The following NSD1 variants were observed in gnomAD, a reference collection of about 807,000 sequenced individuals.
NSD1 encodes the protein nuclear receptor binding SET domain protein 1.
A neutral mutation model predicts 242.7 loss-of-function variants in NSD1; 26 were observed. The observed-to-expected ratio is 0.11, with a 90% CI of 0.08 to 0.15. NSD1 has a LOEUF of 0.15. Among genes scored for constraint, NSD1 ranks in the 10% least tolerant of loss-of-function variants. The pLI is 1.00. For missense variants in NSD1, 2,495 were observed against 3,272.8 expected, an observed-to-expected ratio of 0.76 and a Z score of 5.80; for synonymous variants, 1,106 against 1,178.1, an observed-to-expected ratio of 0.94 and a Z score of 1.25.
At chr5:177,167,476 G>C (rs531385144) in intron 2 of NSD1, among the ~76,000 whole-genome samples, 1 of 151,990 alleles carries the variant, frequency 6.6e-6, no homozygotes, top group Admixed American at 6.6e-5. Flanking sequence ...CAGAGGTTGC[G>C]GTGAGCCGAG....
intron 5 of NSD1, among the ~76,000 whole-genome samples, chr5:177,229,470 T>C (rs1021573959): frequency 1.3e-5 from 2 of 152,232 alleles, no homozygotes; most frequent in Non-Finnish European, 1.5e-5. Context: ...CCTCTTTCCA[T>C]TGACTTGTGC....
chr5:177,208,818 C>T (rs1385809633), intron 4 of NSD1, among the ~76,000 whole-genome samples: 1 of 152,024 alleles, frequency 6.6e-6, no homozygotes, highest in Non-Finnish European at 1.5e-5. Context: ...GCCTCAGCCT[C>T]CACAGTAGCT....
At chr5:177,184,710 G>GGT (rs1051512134) in intron 2 of NSD1, among the ~76,000 whole-genome samples, 69 of 151,844 alleles carry the variant, frequency 4.5e-4, no homozygotes, top group African/African-American at 1.6e-3. Context: ...GGTGTGTGTG[G>GGT]GTGTGTGTGT....
chr5:177,142,698 CTA>C (rs1756925592), intron 2 of NSD1, among the ~76,000 whole-genome samples: 1 of 152,126 alleles, frequency 6.6e-6, no homozygotes, highest in South Asian at 2.1e-4. Flanking sequence ...ATTCATTTTT[CTA>C]TGACATCTTT....
At chr5:177,235,292 G>A (rs28461408) in intron 5 of NSD1, among the ~76,000 whole-genome samples, 132,167 of 152,200 alleles carry the variant, frequency 0.87, 57,891 homozygotes, top group Middle Eastern at 0.91. Context: ...TATGTGTATA[G>A]AAGATGTGTG....
At chr5:177,285,420 C>T (rs765166467) in intron 20 of NSD1, among the ~76,000 whole-genome samples, 17 of 151,608 alleles carry the variant, frequency 1.1e-4, no homozygotes, top group East Asian at 1.9e-4. Context: ...AAAAATTAGC[C>T]GGACGTGGTG....
At chr5:177,293,489 A>G (rs1192017888) in intron 22 of NSD1, among the ~76,000 whole-genome samples, 1 of 151,958 alleles carries the variant, frequency 6.6e-6, no homozygotes, top group Non-Finnish European at 1.5e-5. Context: ...TAAAAGTAAT[A>G]TCTTAAGTTT....
chr5:177,209,202 T>C (rs1239930644), intron 4 of NSD1, among the ~76,000 whole-genome samples: 1 of 151,836 alleles, frequency 6.6e-6, no homozygotes, highest in African/African-American at 2.4e-5. Flanking sequence ...GCTGGTTCCA[T>C]AAAAGCAGGA....
chr5:177,161,378 A>G (rs187615473), intron 2 of NSD1, among the ~76,000 whole-genome samples: 189 of 152,132 alleles, frequency 1.2e-3, no homozygotes, highest in African/African-American at 4.3e-3. Flanking sequence ...CTGTCTCAAA[A>G]AAAAAAATTC....
chr5:177,171,267 G>A (rs1174027827), intron 2 of NSD1, among the ~76,000 whole-genome samples: 1 of 151,330 alleles, frequency 6.6e-6, no homozygotes, highest in African/African-American at 2.4e-5. Flanking sequence ...AGATCACGCC[G>A]CTGCACTCCA....
intron 5 of NSD1, among the ~76,000 whole-genome samples, chr5:177,231,743 C>T (rs186934455): frequency 2.6e-5 from 4 of 151,870 alleles, no homozygotes; most frequent in Admixed American, 6.6e-5. Context: ...TTTTAAAGGA[C>T]GTACCCAAAA....
intron 2 of NSD1, among the ~76,000 whole-genome samples, chr5:177,171,437 T>C (rs748016237): frequency 8.5e-5 from 13 of 152,200 alleles, no homozygotes; most frequent in Non-Finnish European, 1.6e-4. Context: ...TGAATGAAAT[T>C]ATATAATATG....
At chr5:177,286,903 TCA>T (rs1469470560) in intron 20 of NSD1, among the ~76,000 whole-genome samples, 1 of 152,198 alleles carries the variant, frequency 6.6e-6, no homozygotes, top group Non-Finnish European at 1.5e-5. Context: ...CACTTGACTT[TCA>T]GTCTGCATAG....
intron 8 of NSD1, among the ~76,000 whole-genome samples, chr5:177,243,428 C>T (rs1203767633): frequency 1.3e-5 from 2 of 152,074 alleles, no homozygotes; most frequent in Admixed American, 1.3e-4. Context: ...AAATTCCTGA[C>T]CTCAGGTGAT....
intron 3 of NSD1, among the ~76,000 whole-genome samples, chr5:177,193,933 A>G (rs1002907394): frequency 1.3e-5 from 2 of 151,642 alleles, no homozygotes; most frequent in South Asian, 2.1e-4. Flanking sequence ...GCGTGCCACC[A>G]TGCCCAGCTA....
rs569590108 is a variant in NSD1, at chr5:177,155,136, A to T, written c.927+19106A>T. Among the ~76,000 whole-genome samples the T allele has an allele frequency of 4.6e-5, 7 of 151,866 alleles. No individual in the cohort carries two copies. In the South Asian group the frequency reaches 1.5e-3, roughly 32 times the overall value. ...CTCCCGAGTAGCTGGGACTACAGGC[A>T]TGCCCCACCATGCTTGGCTAATTTT... is the stretch of plus-strand genomic sequence containing the variant. On this transcript the variant is annotated intron_variant, in intron 2 of 22. Transcript: ENST00000439151.
At chr5:177,198,352 G>A (rs779996570) in intron 3 of NSD1, among the ~76,000 whole-genome samples, 1 of 152,104 alleles carries the variant, frequency 6.6e-6, no homozygotes, top group Non-Finnish European at 1.5e-5. Flanking sequence ...TAGAGACAGG[G>A]AAGTTTCAAG....
chr5:177,188,483 T>TA (rs1271347220), intron 2 of NSD1, among the ~76,000 whole-genome samples: 5 of 151,790 alleles, frequency 3.3e-5, no homozygotes, highest in Non-Finnish European at 7.4e-5. Flanking sequence ...AGGGGTTTGT[T>TA]AAAGTCTTTA....
intron 14 of NSD1, among the ~76,000 whole-genome samples, chr5:177,260,959 G>A (rs1327899594): frequency 1.3e-5 from 2 of 152,120 alleles, no homozygotes; most frequent in African/African-American, 2.4e-5. Context: ...AAGAGTGAAC[G>A]TGATGGAAAA....
Sources: gnomAD v4.1 joint callset for allele counts (sites outside exome capture counted in the v4.1 genomes callset) on GRCh38, gnomAD v4.1.1 for gene constraint, MANE v1.5 for transcripts, NCBI Gene and HGNC (gene_info 2026-07-23, HGNC 2026-07-21) for gene names.